Variants in CRYBA4 observed in about 807,000 individuals in gnomAD.
The protein encoded by CRYBA4 is crystallin beta A4.
A neutral mutation model predicts 31.7 loss-of-function variants in CRYBA4; 30 were observed. The ratio of observed to expected loss-of-function variants is 0.95; its 90% CI spans 0.71 to 1.28. The LOEUF (loss-of-function observed/expected upper bound fraction) is 1.28. Among genes scored for constraint, CRYBA4 ranks in the 50% most tolerant of loss-of-function variants. CRYBA4 has a pLI of 0.00. For missense variants in CRYBA4, 225 were observed against 260.7 expected, an observed-to-expected ratio of 0.86 and a Z score of 0.94; for synonymous variants, 102 against 102.3, an observed-to-expected ratio of 1.00 and a Z score of 0.02.
the CRYBA4 span, among the ~76,000 whole-genome samples, chr22:26,611,471 T>TC: frequency 1.2e-5 from 1 of 83,398 alleles, no homozygotes; most frequent in East Asian, 3.1e-4. Context: ...TTTTTTTTGT[T>TC]TTTTTTTTTT....
chr22:26,607,564 A>G, the CRYBA4 span, among the ~76,000 whole-genome samples: 1 of 151,242 alleles, frequency 6.6e-6, no homozygotes, highest in Middle Eastern at 3.2e-3. Flanking sequence ...CTTTGGGAAA[A>G]AAAAAAAAAA....
intron 1 of CRYBA4, 52 bp from the exon 2 acceptor site, chr22:26,622,533 G>C: frequency 6.7e-7 from 1 of 1,498,808 alleles, no homozygotes; most frequent in Non-Finnish European, 9.3e-7. Flanking sequence ...TCTGCATAAA[G>C]AGGAGAGCAG....
chr22:26,611,454 G>GTTTTTTTTTTTTTTTTTTTTT, the CRYBA4 span, among the ~76,000 whole-genome samples: 1 of 142,696 alleles, frequency 7.0e-6, no homozygotes. Context: ...GCTAGAGTTT[G>GTTTTTTTTTTTTTTTTTTTTT]TTTTTTTTTT....
At chr22:26,619,348 C>T (rs956788408), upstream of CRYBA4, among the ~76,000 whole-genome samples, 1 of 152,094 alleles carries the variant, frequency 6.6e-6, no homozygotes, top group African/African-American at 2.4e-5. Context: ...AATCACAGGG[C>T]CCAATCCTCC....
At chr22:26,618,827 G>T (rs1363479223), upstream of CRYBA4, among the ~76,000 whole-genome samples, 1 of 152,202 alleles carries the variant, frequency 6.6e-6, no homozygotes, top group Non-Finnish European at 1.5e-5. Context: ...GGATATCGGA[G>T]ACCTGGGTCT....
chr22:26,591,161 A>G, the CRYBA4 span, among the ~76,000 whole-genome samples: 2 of 152,000 alleles, frequency 1.3e-5, no homozygotes. Context: ...ACTTGAGGCT[A>G]GGAGTTCAAG....
chr22:26,622,500 C>A, intron 1 of CRYBA4, 85 bp from the exon 2 acceptor site: 1 of 1,194,798 alleles, frequency 8.4e-7, no homozygotes, highest in Non-Finnish European at 1.3e-6. Context: ...CTATGTGGAT[C>A]CTGACCAGGT....
At chr22:26,620,237 C>A, upstream of CRYBA4, among the ~76,000 whole-genome samples, 1 of 152,172 alleles carries the variant, frequency 6.6e-6, no homozygotes, top group Non-Finnish European at 1.5e-5. Flanking sequence ...TAATAATAAT[C>A]ATCTTTCTTA....
chr22:26,608,542 A>G, the CRYBA4 span, among the ~76,000 whole-genome samples: 1 of 152,232 alleles, frequency 6.6e-6, no homozygotes, highest in Admixed American at 6.5e-5. Flanking sequence ...GCAACATAAT[A>G]ATACCACTTT....
chr22:26,618,657 G>C (rs1018557436), upstream of CRYBA4, among the ~76,000 whole-genome samples: 2 of 152,170 alleles, frequency 1.3e-5, no homozygotes, highest in Non-Finnish European at 2.9e-5. Flanking sequence ...GAAAGTGAAG[G>C]CACAGAGAGG....
chr22:26,593,371 C>T, the CRYBA4 span, among the ~76,000 whole-genome samples: 2,481 of 152,228 alleles, frequency 0.016, 27 homozygotes, highest in Non-Finnish European at 0.024. Flanking sequence ...GGCTCAATGG[C>T]TCACTCCTGT....
chr22:26,613,701 C>T, the CRYBA4 span, among the ~76,000 whole-genome samples: 2 of 152,078 alleles, frequency 1.3e-5, no homozygotes, highest in Non-Finnish European at 2.9e-5. Context: ...ACAAATTGTA[C>T]AGCATGTGTG....
At chr22:26,623,387 G>A (rs564316794) in intron 3 of CRYBA4, 35 bp downstream of exon 3, 1 of 1,553,576 alleles carries the variant, frequency 6.4e-7, no homozygotes, top group Admixed American at 1.7e-5. Flanking sequence ...GGGGTAGAGG[G>A]TGGACAGGAA....
At chr22:26,622,475 TCA>T in intron 1 of CRYBA4, 108 bp from the exon 2 acceptor site, 1 of 897,778 alleles carries the variant, frequency 1.1e-6, no homozygotes, top group Non-Finnish European at 1.9e-6. Flanking sequence ...CCTAGCCCAG[TCA>T]CTCCTGGACT....
the CRYBA4 span, among the ~76,000 whole-genome samples, chr22:26,609,043 C>T: frequency 1.6e-4 from 24 of 152,168 alleles, no homozygotes; most frequent in Non-Finnish European, 2.9e-4. Context: ...ATCCCCATTC[C>T]GTAGATGAGA....
chr22:26,612,850 A>G, the CRYBA4 span, among the ~76,000 whole-genome samples: 1 of 152,118 alleles, frequency 6.6e-6, no homozygotes, highest in African/African-American at 2.4e-5. Context: ...CTCAGGTGCC[A>G]CCTTCTCCAG....
At chr22:26,600,168 G>A in the CRYBA4 span, among the ~76,000 whole-genome samples, 3 of 152,224 alleles carry the variant, frequency 2.0e-5, no homozygotes, top group African/African-American at 4.8e-5. Flanking sequence ...TAGGGAGGCT[G>A]AGGCGGGCAA....
the CRYBA4 span, chr22:26,607,891 T>C: frequency 6.2e-7 from 1 of 1,614,044 alleles, no homozygotes; most frequent in Non-Finnish European, 8.5e-7. Flanking sequence ...CCACTCACCA[T>C]TTTGATGGGC....
intron 4 of CRYBA4, among the ~76,000 whole-genome samples, chr22:26,627,782 G>GCCTC (rs1256377205): frequency 3.3e-5 from 5 of 151,930 alleles, no homozygotes; most frequent in African/African-American, 9.7e-5. Context: ...CCAAGTAGCT[G>GCCTC]AGATTACAGG....
Sources: gnomAD v4.1 joint callset for allele counts (sites outside exome capture counted in the v4.1 genomes callset) on GRCh38, gnomAD v4.1.1 for gene constraint, MANE v1.5 for transcripts, NCBI Gene and HGNC (gene_info 2026-07-23, HGNC 2026-07-21) for gene names.